ENTPD3: variants seen among roughly 807,000 people sequenced by gnomAD.
ENTPD3 encodes the protein CD39 antigen-like 3.
In ENTPD3, 60 loss-of-function variants were observed where a neutral mutation model predicts 51.2. The observed-to-expected ratio is 1.17, with a 90% CI of 0.95 to 1.45. The LOEUF is 1.45. Ranked by LOEUF, ENTPD3 falls within the 40% of genes most tolerant of loss-of-function variation. ENTPD3 has a pLI of 0.00. For synonymous variants in ENTPD3, 221 were observed against 238.4 expected (o/e 0.93, Z 0.67); for missense variants, 593 against 641.1 (o/e 0.93, Z 0.81).
chr3:40,398,988 G>C (rs1305472923), intron 3 of ENTPD3, among the ~76,000 whole-genome samples: 1 of 152,134 alleles, frequency 6.6e-6, no homozygotes. Flanking sequence ...TTGGGAGGCG[G>C]AGGTGGGTGA....
At chr3:40,408,724 T>C (rs192866633) in intron 4 of ENTPD3, among the ~76,000 whole-genome samples, 187 of 152,174 alleles carry the variant, frequency 1.2e-3, no homozygotes, top group African/African-American at 4.3e-3. Context: ...TGTGTGAAAA[T>C]CAGAAAACAC....
chr3:40,394,703 G>A (rs558071305), intron 3 of ENTPD3, among the ~76,000 whole-genome samples: 9 of 152,326 alleles, frequency 5.9e-5, no homozygotes, highest in East Asian at 1.9e-4. Context: ...ATGGAGGGAA[G>A]GGATTGGCCT....
intron 4 of ENTPD3, among the ~76,000 whole-genome samples, chr3:40,404,315 G>A (rs1955442039): frequency 6.6e-6 from 1 of 152,160 alleles, no homozygotes; most frequent in South Asian, 2.1e-4. Context: ...GAAATGCCTG[G>A]CATACAGTAA....
Position 40,421,047 on chromosome 3 carries a change from G to A in ENTPD3, c.832-1803G>A, listed in dbSNP as rs1352380823. ...TAAATTTTTTTTTTTTTTTTGAGAC[G>A]GAGTCTTGCTTTGTCACCCAGGCTG... On this transcript the variant is annotated intron_variant, in intron 7 of 10. Coordinates refer to ENST00000301825, the MANE Select transcript of ENTPD3 (RefSeq NM_001248.4). Among the ~76,000 whole-genome samples the A allele has an allele frequency of 7.5e-5, 11 of 146,112 alleles. No homozygotes were observed. In the East Asian group the frequency reaches 1.8e-3, roughly 24 times the overall value.
intron 2 of ENTPD3, 27 bp downstream of exon 2, chr3:40,388,124 C>T: frequency 2.5e-6 from 4 of 1,613,374 alleles, no homozygotes; most frequent in South Asian, 2.2e-5. Context: ...AGGTAGCAAG[C>T]GTGGTTTTGC....
rs1956008418 is a variant in ENTPD3, at chr3:40,427,494, G to T, written c.1576G>T (p.Val526Leu). 1.1e-5 allele frequency: 17 copies of T among 1,613,906 alleles called. No individual in the cohort carries two copies. Among genetic ancestry groups the T allele is most frequent in the Non-Finnish European group, 1.4e-5 (17 of 1,179,778 alleles). ...RHSEHAFDHA[V>L]DSD ...CTCCGAGCATGCCTTTGACCATGCAGTGGATTCTGACTGAGCCTTCAAAGC... is the reference window on the plus strand; with the variant it reads ...CTCCGAGCATGCCTTTGACCATGCATTGGATTCTGACTGAGCCTTCAAAGC... Residue 526 changes from valine (V) to leucine (L), a missense_variant, in exon 11 of 11, where the codon GTG becomes TTG. By Grantham distance (32) the Val-to-Leu change is conservative. Transcript: ENST00000301825.
rs892865013 is a variant in ENTPD3, at chr3:40,428,426, T to C, written c.*918T>C. On this transcript the variant is annotated 3_prime_UTR_variant, in exon 11 of 11. Transcript: ENST00000301825. ...TTTACTAACCAATTACTTTCCCAGA[T>C]CATAGACCTCTCTGCATAGTAGTCA... 2 of 152,150 alleles carry C rather than the reference T, an allele frequency of 1.3e-5. No individual in the cohort carries two copies. Among genetic ancestry groups the C allele is most frequent in the African/African-American group, 4.8e-5 (2 of 41,436 alleles). The allele number at this position is 152,150 out of a possible 1,614,324, so 9.4% of individuals were successfully genotyped here.
intron 4 of ENTPD3, among the ~76,000 whole-genome samples, chr3:40,403,308 G>C (rs543751855): frequency 6.6e-6 from 1 of 152,308 alleles, no homozygotes; most frequent in East Asian, 1.9e-4. Flanking sequence ...GGAGTGCAAG[G>C]TGGTTATTAG....
chr3:40,415,934 CA>C lies in ENTPD3; in HGVS notation c.693del (p.Gly232GlufsTer6). ...GGASTQISFV[A>X]GEKMDLNTSD... The stretch of plus-strand genomic sequence containing the variant: ...GCCTCCACCCAAATATCCTTCGTGG[CA>C]GGAGAGAAGATGGATCTGAACACCA... On this transcript the variant is annotated frameshift_variant, in exon 7 of 11. Coordinates refer to ENST00000301825, the MANE Select transcript of ENTPD3 (RefSeq NM_001248.4). LOFTEE classifies it high-confidence loss of function. 3 of 1,614,116 alleles carry C rather than the reference CA, an allele frequency of 1.9e-6. No individual in the cohort carries two copies. The highest frequency in any genetic ancestry group is 2.5e-6 in the Non-Finnish European group (3 of 1,180,004).
intron 2 of ENTPD3, among the ~76,000 whole-genome samples, chr3:40,390,500 T>C (rs574080246): frequency 4.8e-4 from 73 of 152,234 alleles, no homozygotes; most frequent in African/African-American, 1.7e-3. Context: ...CAGCCCAAGA[T>C]TATTATTTAG....
Position 40,427,406 on chromosome 3 carries a change from G to A in ENTPD3, c.1488G>A (p.Ala496=), listed in dbSNP as rs200197381. 2.6e-5 allele frequency: 42 copies of A among 1,613,760 alleles called. No homozygotes were observed. Among genetic ancestry groups the A allele is most frequent in the East Asian group, 1.3e-4 (6 of 44,872 alleles). ...VFVGTLAFFT[A]AALLCLAFLA... ...TGGGCACCCTCGCTTTCTTCACAGC[G>A]GCAGCCTTGCTGTGTCTGGCATTTC... Residue 496 remains alanine (A), a synonymous_variant, in exon 11 of 11, where the codon GCG becomes GCA. Coordinates refer to ENST00000301825, the MANE Select transcript of ENTPD3 (RefSeq NM_001248.4).
At chr3:40,425,653 T>C (rs903286231) in intron 10 of ENTPD3, among the ~76,000 whole-genome samples, 1 of 151,978 alleles carries the variant, frequency 6.6e-6, no homozygotes, top group Non-Finnish European at 1.5e-5. Context: ...TTCCAGCACT[T>C]TGGGAGGCCG....
chr3:40,402,942 T>G (rs1955403061), intron 4 of ENTPD3, among the ~76,000 whole-genome samples: 1 of 152,128 alleles, frequency 6.6e-6, no homozygotes. Context: ...GTTCGAGCAT[T>G]AGGATCTTCA....
intron 3 of ENTPD3, among the ~76,000 whole-genome samples, chr3:40,392,724 G>A (rs1955091738): frequency 6.6e-6 from 1 of 152,088 alleles, no homozygotes; most frequent in Non-Finnish European, 1.5e-5. Flanking sequence ...GAGAGGCCGA[G>A]GAAGAAGGAT....
intron 5 of ENTPD3, among the ~76,000 whole-genome samples, chr3:40,412,374 G>T (rs1388826561): frequency 6.6e-6 from 1 of 152,152 alleles, no homozygotes; most frequent in Non-Finnish European, 1.5e-5. Context: ...ACTGAAATCT[G>T]CTTTAAAACA....
chr3:40,411,946 G>A lies in ENTPD3; in HGVS notation c.421G>A (p.Gly141Arg). The A allele has an allele frequency of 6.2e-7, 1 of 1,610,778 alleles. No homozygotes were observed. The highest frequency in any genetic ancestry group is 2.2e-5 in the East Asian group (1 of 44,744). Reference protein sequence around the residue: ...STPIHLGATAGMRLLRLQNET... With the variant: ...STPIHLGATARMRLLRLQNET... ...CCCCATTCACCTGGGAGCCACGGCT[G>A]GGATGCGCTTGCTGAGGTAAAGGCT... Residue 141 changes from glycine to arginine, a missense_variant, in exon 5 of 11, where the codon GGG becomes AGG. Coordinates refer to ENST00000301825, the MANE Select transcript of ENTPD3 (RefSeq NM_001248.4).
intron 3 of ENTPD3, among the ~76,000 whole-genome samples, chr3:40,398,143 G>C (rs1559509104): frequency 6.6e-6 from 1 of 152,184 alleles, no homozygotes. Flanking sequence ...CATTTCTCCA[G>C]TCTCACAGAG....
rs141699164 is a variant in ENTPD3 at position 40,410,011 on chromosome 3, G to T, written c.287-1801G>T. ...TTTTTAAAAAAGAAACTACTTACAGGAAGAGGAGACAAGGAGAGAATCTAG... is the reference window on the plus strand; with the variant it reads ...TTTTTAAAAAAGAAACTACTTACAGTAAGAGGAGACAAGGAGAGAATCTAG... On this transcript the variant is annotated intron_variant, in intron 4 of 10. Transcript: ENST00000301825. 2.4e-4 allele frequency among the ~76,000 whole-genome samples: 37 copies of T among 152,278 alleles called. 1 individual carries two copies. The East Asian group carries it at 5.4e-3, about 22-fold the overall frequency.
Position 40,394,206 on chromosome 3 carries a change from C to T in ENTPD3, c.168+2056C>T, listed in dbSNP as rs575319044. 21 of 179,382 alleles carry T rather than the reference C, an allele frequency of 1.2e-4. No individual in the cohort carries two copies. The South Asian group carries it at 1.7e-3, about 14-fold the overall frequency. The allele number at this position is 179,382 out of a possible 1,614,324, so 11.1% of individuals were successfully genotyped here. A position where few individuals can be genotyped will look rare whatever the true frequency, so the allele number is the denominator to read the frequency against. On this transcript the variant is annotated intron_variant, in intron 3 of 10. Coordinates refer to ENST00000301825, the MANE Select transcript of ENTPD3 (RefSeq NM_001248.4). ...CTTGGCTCGCCCCAACCTCTGCCTC[C>T]ACAGTTCAAGTGATTCTACTGCCTC...
Sources: gnomAD v4.1 joint callset for allele counts (sites outside exome capture counted in the v4.1 genomes callset) on GRCh38, gnomAD v4.1.1 for gene constraint, MANE v1.5 for transcripts, NCBI Gene and HGNC (gene_info 2026-07-23, HGNC 2026-07-21) for gene names.